Variants in PCDH15 observed in about 807,000 individuals in gnomAD.
The protein encoded by PCDH15 is protocadherin-15.
A neutral mutation model predicts 178.5 loss-of-function variants in PCDH15; 129 were observed. The ratio of observed to expected loss-of-function variants is 0.72; its 90% CI spans 0.63 to 0.84. The LOEUF is 0.84. Ranked by LOEUF, PCDH15 falls within the 40% of genes least tolerant of loss-of-function variation. The probability of loss-of-function intolerance (pLI) is 0.00; values close to 1 mark genes in which losing one functional copy is unlikely to be tolerated. For missense variants in PCDH15, 2,230 were observed against 2,099.9 expected, an observed-to-expected ratio of 1.06 and a Z score of -1.21; for synonymous variants, 800 against 732.0, an observed-to-expected ratio of 1.09 and a Z score of -1.50.
intron 15 of PCDH15, among the ~76,000 whole-genome samples, chr10:54,112,396 C>G: frequency 6.6e-6 from 1 of 151,926 alleles, no homozygotes; most frequent in East Asian, 1.9e-4. Context: ...TGCCAGTTGT[C>G]TCCAGGTGGG....
intron 2 of PCDH15, among the ~76,000 whole-genome samples, chr10:55,459,788 G>A (rs1475096340): frequency 6.6e-6 from 1 of 152,024 alleles, no homozygotes; most frequent in Non-Finnish European, 1.5e-5. Flanking sequence ...AAGAAATCTG[G>A]AAGACCTTAG....
At chr10:55,617,969 T>C (rs1843512667) in intron 2 of PCDH15, among the ~76,000 whole-genome samples, 1 of 152,060 alleles carries the variant, frequency 6.6e-6, no homozygotes, top group Non-Finnish European at 1.5e-5. Context: ...AAGAAAGGCA[T>C]GTGAATCCTA....
chr10:54,152,184 A>G (rs1418931994), intron 14 of PCDH15, among the ~76,000 whole-genome samples: 3 of 152,170 alleles, frequency 2.0e-5, no homozygotes, highest in Non-Finnish European at 4.4e-5. Context: ...TAAATATACA[A>G]TATGAATCCA....
chr10:54,632,972 A>G (rs1348397824), intron 2 of PCDH15, among the ~76,000 whole-genome samples: 1 of 152,156 alleles, frequency 6.6e-6, no homozygotes, highest in Non-Finnish European at 1.5e-5. Flanking sequence ...GGGAATATTA[A>G]AAAGAAACAA....
chr10:54,521,070 G>A (rs1241856585), intron 3 of PCDH15, among the ~76,000 whole-genome samples: 1 of 116,582 alleles, frequency 8.6e-6, no homozygotes, highest in Non-Finnish European at 1.7e-5. Flanking sequence ...TGTGGGGTGG[G>A]GGGAGGGGGG....
intron 2 of PCDH15, among the ~76,000 whole-genome samples, chr10:54,641,828 T>C (rs2093996729): frequency 6.6e-6 from 1 of 152,166 alleles, no homozygotes; most frequent in South Asian, 2.1e-4. Context: ...AATTGAATCA[T>C]GATGTTACTA....
At chr10:55,257,170 T>G (rs770415603) in intron 1 of PCDH15, among the ~76,000 whole-genome samples, 73 of 152,304 alleles carry the variant, frequency 4.8e-4, no homozygotes, top group Admixed American at 1.4e-3. Flanking sequence ...GGGTCCTGAC[T>G]GTTAGAAGGA....
At chr10:53,895,857 C>T (rs73246867) in intron 26 of PCDH15, among the ~76,000 whole-genome samples, 6,359 of 152,140 alleles carry the variant, frequency 0.042, 275 homozygotes, top group East Asian at 0.13. Context: ...AGTATGTTCT[C>T]TTATTTTCTA....
chr10:54,591,214 A>G (rs550166601), intron 2 of PCDH15, among the ~76,000 whole-genome samples: 13 of 152,292 alleles, frequency 8.5e-5, no homozygotes, highest in Non-Finnish European at 1.6e-4. Flanking sequence ...CCTGGTAAAA[A>G]GGACTTTGTA....
chr10:54,509,857 G>A (rs1474806508), intron 3 of PCDH15, among the ~76,000 whole-genome samples: 1 of 152,172 alleles, frequency 6.6e-6, no homozygotes, highest in African/African-American at 2.4e-5. Flanking sequence ...ATCAACAGCA[G>A]AGTCTTTGTT....
At chr10:54,587,003 A>T (rs1335593179) in intron 2 of PCDH15, among the ~76,000 whole-genome samples, 2 of 152,192 alleles carry the variant, frequency 1.3e-5, no homozygotes, top group African/African-American at 4.8e-5. Context: ...AAAGTCTGAC[A>T]TGATTTTATA....
chr10:55,422,241 C>T (rs1366455237), intron 2 of PCDH15, among the ~76,000 whole-genome samples: 3 of 151,794 alleles, frequency 2.0e-5, no homozygotes, highest in South Asian at 2.1e-4. Flanking sequence ...ATAAGAAATG[C>T]CTTCTAACTG....
At chr10:54,487,359 G>A (rs1040237270) in intron 3 of PCDH15, among the ~76,000 whole-genome samples, 2 of 151,964 alleles carry the variant, frequency 1.3e-5, no homozygotes, top group Admixed American at 6.6e-5. Flanking sequence ...GAATGGGATT[G>A]GGGTTCACCA....
chr10:54,008,190 G>A (rs540987294), intron 20 of PCDH15, among the ~76,000 whole-genome samples: 1 of 152,258 alleles, frequency 6.6e-6, no homozygotes, highest in African/African-American at 2.4e-5. Flanking sequence ...CATATGTCTA[G>A]AGTTAAATGT....
chr10:54,010,791 C>T lies in PCDH15; in HGVS notation c.2751+9401G>A, dbSNP rs185211136. Among the ~76,000 whole-genome samples, 263 of 152,252 alleles carry T rather than the reference C, an allele frequency of 1.7e-3. 1 individual carries two copies. The highest frequency in any genetic ancestry group is 5.7e-3 in the African/African-American group (237 of 41,540). The stretch of plus-strand genomic sequence containing the variant: ...CCAGTGTCTGTTTCCCGTGAGCCCC[C>T]ACCTCTCACTCTTTACCAGGCAGTG... On this transcript the variant is annotated intron_variant, in intron 20 of 37. Transcript: ENST00000644397.
intron 25 of PCDH15, among the ~76,000 whole-genome samples, chr10:53,915,461 C>T (rs1229484423): frequency 6.6e-6 from 1 of 152,108 alleles, no homozygotes; most frequent in Non-Finnish European, 1.5e-5. Flanking sequence ...ATATTAATTG[C>T]TTGTATCTAG....
chr10:55,078,861 G>T (rs1465637756), intron 2 of PCDH15, among the ~76,000 whole-genome samples: 2 of 151,668 alleles, frequency 1.3e-5, no homozygotes, highest in African/African-American at 2.4e-5. Flanking sequence ...ATTTATGAAT[G>T]AAAATATATG....
chr10:53,910,219 C>T (rs2082982049), intron 25 of PCDH15, among the ~76,000 whole-genome samples: 2 of 152,272 alleles, frequency 1.3e-5, no homozygotes, highest in South Asian at 4.1e-4. Flanking sequence ...GGGTCCCTAC[C>T]CCAGTGTAGC....
intron 2 of PCDH15, among the ~76,000 whole-genome samples, chr10:55,092,504 T>C (rs987526738): frequency 2.0e-5 from 3 of 151,904 alleles, no homozygotes; most frequent in Non-Finnish European, 2.9e-5. Flanking sequence ...ATATGTCATA[T>C]TTAGAAAGGC....
Sources: gnomAD v4.1 joint callset for allele counts (sites outside exome capture counted in the v4.1 genomes callset) on GRCh38, gnomAD v4.1.1 for gene constraint, MANE v1.5 for transcripts, NCBI Gene and HGNC (gene_info 2026-07-23, HGNC 2026-07-21) for gene names.